The following RBFOX1 variants were observed in gnomAD, a reference collection of about 807,000 sequenced individuals.
RBFOX1 encodes the protein RNA binding fox-1 homolog 1.
Under a neutral mutation model 57.7 loss-of-function variants are expected in RBFOX1, and 8 were observed. That is an observed-to-expected ratio of 0.14 (90% CI 0.08 to 0.25). The LOEUF is 0.25. Ranked by LOEUF, RBFOX1 falls within the 10% of genes least tolerant of loss-of-function variation. RBFOX1 has a pLI of 1.00. For synonymous variants in RBFOX1, 326 were observed against 222.4 expected (o/e 1.47, Z -4.15); for missense variants, 611 against 548.5 (o/e 1.11, Z -1.14).
chr16:6,073,506 C>G (rs1368544217), intron 1 of RBFOX1, among the ~76,000 whole-genome samples: 1 of 152,168 alleles, frequency 6.6e-6, no homozygotes, highest in Admixed American at 6.5e-5. Context: ...ATAGGAAAAA[C>G]TGCTTAGCCC....
chr16:5,378,554 C>T lies in RBFOX1; in HGVS notation c.220-88662C>T, dbSNP rs1172978998. 4.0e-5 allele frequency among the ~76,000 whole-genome samples: 6 copies of T among 151,596 alleles called. No homozygotes were observed. In the East Asian group the frequency reaches 9.7e-4, roughly 24 times the overall value. The stretch of plus-strand genomic sequence containing the variant: ...CTCAGCAGAACCTCCACTAGGGCAG[C>T]AAGTTGTCCCAGTTATACCTGGGAA... On this transcript the variant is annotated intron_variant, in intron 1 of 2. Transcript: ENST00000585867.
chr16:7,327,346 C>T (rs143863754), intron 4 of RBFOX1, among the ~76,000 whole-genome samples: 21 of 152,224 alleles, frequency 1.4e-4, no homozygotes, highest in Non-Finnish European at 2.1e-4. Flanking sequence ...AAATTTGTAT[C>T]GGAGGATGAA....
chr16:5,752,334 G>T (rs897394408), intron 3 of RBFOX1, among the ~76,000 whole-genome samples: 2 of 152,184 alleles, frequency 1.3e-5, no homozygotes, highest in Non-Finnish European at 2.9e-5. Flanking sequence ...TAGATACTAG[G>T]CTTCATACCT....
In RBFOX1 at chr16:5,790,308, G is replaced by A. The variant is rs1023858730; in HGVS notation, c.319-76995G>A. On this transcript the variant is annotated intron_variant, in intron 3 of 19. Coordinates refer to the RBFOX1 transcript ENST00000641259. ...ACCAGGAAGAATACAAGAATGACAC[G>A]TATATGGGAAAGGCTTGCCAGAGGG... Among the ~76,000 whole-genome samples the A allele has an allele frequency of 1.1e-4, 16 of 152,164 alleles. No individual in the cohort carries two copies. In the East Asian group the frequency reaches 1.2e-3, roughly 11 times the overall value.
chr16:7,259,583 A>G (rs1273446513), intron 4 of RBFOX1, among the ~76,000 whole-genome samples: 1 of 152,092 alleles, frequency 6.6e-6, no homozygotes, highest in East Asian at 1.9e-4. Context: ...AAGGATTAAG[A>G]TAAAAAGTAG....
At chr16:7,517,941 C>G (rs1173737988) in intron 4 of RBFOX1, among the ~76,000 whole-genome samples, 3 of 151,862 alleles carry the variant, frequency 2.0e-5, no homozygotes, top group Non-Finnish European at 2.9e-5. Context: ...GTTTCTGCAT[C>G]TGTAAAATGG....
rs114829065 is a variant in RBFOX1, at chr16:5,987,556, A to T, written c.351+120221A>T. Among the ~76,000 whole-genome samples, 777 of 152,236 alleles carry T rather than the reference A, an allele frequency of 5.1e-3. 10 individuals carry two copies. Among genetic ancestry groups the T allele is most frequent in the African/African-American group, 0.018 (762 of 41,556 alleles). ...CTGTTATAAAAGTCATAAGCGGGGC[A>T]CAGGGGCATGTGGGCATGTGCCTGT... On this transcript the variant is annotated intron_variant, in intron 4 of 19. Transcript: ENST00000641259.
intron 4 of RBFOX1, among the ~76,000 whole-genome samples, chr16:7,059,038 C>G (rs1417216600): frequency 1.3e-5 from 2 of 152,166 alleles, no homozygotes; most frequent in East Asian, 1.9e-4. Context: ...AAGCGAGTTT[C>G]TCATTTCTGC....
At chr16:6,610,430 T>G (rs1294321199) in intron 2 of RBFOX1, among the ~76,000 whole-genome samples, 2 of 151,990 alleles carry the variant, frequency 1.3e-5, no homozygotes, top group East Asian at 3.9e-4. Context: ...CCGGCTCAAG[T>G]GATCCTCCCA....
intron 1 of RBFOX1, among the ~76,000 whole-genome samples, chr16:6,306,248 C>G (rs989603425): frequency 5.9e-5 from 9 of 152,080 alleles, no homozygotes; most frequent in African/African-American, 2.2e-4. Context: ...CTGCAGAAAC[C>G]AATCAAAGGA....
intron 4 of RBFOX1, among the ~76,000 whole-genome samples, chr16:7,220,917 C>T (rs1303247112): frequency 6.6e-6 from 1 of 152,066 alleles, no homozygotes; most frequent in East Asian, 1.9e-4. Context: ...GGAATGGGTT[C>T]TTAGGAATTC....
chr16:5,257,850 G>T (rs1240487589), intron 1 of RBFOX1, among the ~76,000 whole-genome samples: 1 of 152,012 alleles, frequency 6.6e-6, no homozygotes, highest in Non-Finnish European at 1.5e-5. Flanking sequence ...TTTTTTTGGG[G>T]TGGGGGGGAA....
chr16:7,490,690 G>A (rs577435595), intron 4 of RBFOX1, among the ~76,000 whole-genome samples: 1 of 152,306 alleles, frequency 6.6e-6, no homozygotes, highest in Admixed American at 6.5e-5. Context: ...ATAAGTCCAA[G>A]TTCAACTCTG....
chr16:5,620,985 C>T (rs111949269), intron 3 of RBFOX1, among the ~76,000 whole-genome samples: 4,571 of 152,156 alleles, frequency 0.03, 92 homozygotes, highest in South Asian at 0.049. Context: ...GGACTATAGA[C>T]GCTCGCCACC....
intron 4 of RBFOX1, among the ~76,000 whole-genome samples, chr16:7,345,376 C>T (rs1362357791): frequency 1.3e-5 from 2 of 152,166 alleles, no homozygotes; most frequent in African/African-American, 2.4e-5. Context: ...GTCCGATGAC[C>T]ATCTTAATAA....
intron 4 of RBFOX1, among the ~76,000 whole-genome samples, chr16:7,281,694 C>A (rs1261475190): frequency 1.3e-5 from 2 of 152,064 alleles, no homozygotes; most frequent in Non-Finnish European, 2.9e-5. Flanking sequence ...AATCAGTCAT[C>A]ATAAACTGAG....
At chr16:5,504,022 TG>T (rs2043291526) in intron 2 of RBFOX1, among the ~76,000 whole-genome samples, 2 of 152,110 alleles carry the variant, frequency 1.3e-5, no homozygotes, top group Admixed American at 1.3e-4. Flanking sequence ...CCTTTGTCTC[TG>T]GGGGGCTGGT....
intron 4 of RBFOX1, among the ~76,000 whole-genome samples, chr16:5,905,489 A>G (rs1359369082): frequency 6.6e-6 from 1 of 152,068 alleles, no homozygotes; most frequent in Non-Finnish European, 1.5e-5. Flanking sequence ...AGGTGGACAG[A>G]TTGCTTGAGC....
At chr16:7,704,724 G>C (rs187965819) in intron 14 of RBFOX1, among the ~76,000 whole-genome samples, 1 of 152,114 alleles carries the variant, frequency 6.6e-6, no homozygotes, top group African/African-American at 2.4e-5. Context: ...AACATGAAGG[G>C]GTAGGGATGA....
Sources: gnomAD v4.1 joint callset for allele counts (sites outside exome capture counted in the v4.1 genomes callset) on GRCh38, gnomAD v4.1.1 for gene constraint, MANE v1.5 for transcripts, NCBI Gene and HGNC (gene_info 2026-07-23, HGNC 2026-07-21) for gene names.